GNA14: variants seen among roughly 807,000 people sequenced by gnomAD.
The protein encoded by GNA14 is G protein subunit alpha 14.
GNA14 carries 50 observed loss-of-function variants against 42.0 expected under a neutral mutation model. The observed-to-expected ratio is 1.19, with a 90% confidence interval of 0.95 to 1.51. The LOEUF (loss-of-function observed/expected upper bound fraction) is 1.51, where lower values mean the gene tolerates loss of function less well. Ranked by LOEUF, GNA14 falls within the 40% of genes most tolerant of loss-of-function variation. GNA14 has a pLI of 0.00. For synonymous variants in GNA14, 173 were observed against 163.1 expected (o/e 1.06, Z -0.46); for missense variants, 473 against 446.2 (o/e 1.06, Z -0.54).
chr9:77,425,747 TAGAA>T, intron 5 of GNA14, 32 bp from the exon 6 acceptor site: 1 of 1,526,114 alleles, frequency 6.6e-7, no homozygotes, highest in Non-Finnish European at 8.9e-7. Flanking sequence ...TGGGATGAAG[TAGAA>T]AGGAAATATT....
chr9:77,452,360 T>C (rs56852610), intron 2 of GNA14, among the ~76,000 whole-genome samples: 1,843 of 152,274 alleles, frequency 0.012, 43 homozygotes, highest in African/African-American at 0.042. Context: ...TATCTATGGA[T>C]GATTTTCCTG....
In GNA14 at chr9:77,647,718, G is replaced by C; in HGVS notation, c.76C>G (p.Arg26Gly). ...CGGCGCGCGTCCTTCTTGTCCCGAC[G>C]AAGCTGTCGCTCGATCTCCGCGCTG... is the stretch of plus-strand genomic sequence containing the variant. ...RISAEIERQL[R>G]RDKKDARREL... is the part of the protein sequence containing the mutation. Residue 26 changes from arginine to glycine, a missense_variant, in exon 1 of 7, where the codon CGT (arginine) becomes GGT (glycine). Arg to Gly is a moderately radical substitution (Grantham distance 125). Coordinates refer to ENST00000341700, the MANE Select transcript of GNA14 (RefSeq NM_004297.4). 6.2e-7 allele frequency: 1 copy of C among 1,610,288 alleles called. No homozygotes were observed. Among genetic ancestry groups the C allele is most frequent in the Middle Eastern group, 1.7e-4 (1 of 6,060 alleles).
intron 1 of GNA14, among the ~76,000 whole-genome samples, chr9:77,565,038 T>C (rs1212223506): frequency 6.6e-6 from 1 of 152,220 alleles, no homozygotes; most frequent in Non-Finnish European, 1.5e-5. Context: ...CTACTGTGCA[T>C]ATTGTTCTGC....
At position 77,431,460 on chromosome 9, in the gene GNA14, G is replaced by C; in HGVS notation, c.465-11C>G. The C allele has an allele frequency of 6.3e-7, 1 of 1,596,538 alleles. No homozygotes were observed. Among genetic ancestry groups the C allele is most frequent in the Non-Finnish European group, 8.6e-7 (1 of 1,167,228 alleles). On this transcript the variant is annotated splice_polypyrimidine_tract_variant and intron_variant, in intron 3 of 6. Transcript: ENST00000341700. ...ATGTCAGTCAGGTAACTGTATATTA[G>C]AGAACGAGGAACTGACTCTCCTTTT... is the stretch of plus-strand genomic sequence containing the variant.
Position 77,550,697 on chromosome 9 carries a change from C to G in GNA14, c.125-21444G>C, listed in dbSNP as rs150239309. On this transcript the variant is annotated intron_variant, in intron 1 of 6. Coordinates refer to ENST00000341700, the MANE Select transcript of GNA14 (RefSeq NM_004297.4). ...GCTGTTAAATCTCACTTTATCTATT[C>G]TATAATCCAACCATTGTTTACACAT... 3.3e-5 allele frequency among the ~76,000 whole-genome samples: 5 copies of G among 152,308 alleles called. No homozygotes were observed. In the East Asian group the frequency reaches 9.6e-4, roughly 29 times the overall value.
intron 2 of GNA14, among the ~76,000 whole-genome samples, chr9:77,463,399 A>G (rs1432506874): frequency 7.0e-6 from 1 of 143,842 alleles, no homozygotes; most frequent in East Asian, 1.9e-4. Context: ...TTAAAAAAAG[A>G]AAAAAACCAA....
chr9:77,620,614 C>T (rs527510355), intron 1 of GNA14, among the ~76,000 whole-genome samples: 151 of 152,130 alleles, frequency 9.9e-4, no homozygotes, highest in African/African-American at 3.3e-3. Context: ...CTTGGGAGGT[C>T]GAGGCAGGTG....
At chr9:77,474,866 A>G (rs1836391748) in intron 2 of GNA14, among the ~76,000 whole-genome samples, 1 of 152,106 alleles carries the variant, frequency 6.6e-6, no homozygotes, top group South Asian at 2.1e-4. Flanking sequence ...AGCCTTAAGA[A>G]CATTATGCTA....
At chr9:77,524,064 G>T (rs1837399169) in intron 2 of GNA14, among the ~76,000 whole-genome samples, 1 of 152,126 alleles carries the variant, frequency 6.6e-6, no homozygotes, top group East Asian at 1.9e-4. Flanking sequence ...AAATGCCTTT[G>T]TAATATTTAT....
intron 2 of GNA14, among the ~76,000 whole-genome samples, chr9:77,513,613 A>C (rs1837204330): frequency 6.6e-6 from 1 of 152,176 alleles, no homozygotes; most frequent in Admixed American, 6.5e-5. Context: ...TTCCGTGAGG[A>C]GGCACAGCAA....
chr9:77,429,690 T>C (rs1281359906), intron 4 of GNA14, among the ~76,000 whole-genome samples: 2 of 152,108 alleles, frequency 1.3e-5, no homozygotes, highest in African/African-American at 4.8e-5. Context: ...GTACAAAACA[T>C]ACATGGCACA....
intron 3 of GNA14, among the ~76,000 whole-genome samples, chr9:77,433,140 C>T (rs951015717): frequency 2.0e-5 from 3 of 152,128 alleles, no homozygotes; most frequent in African/African-American, 7.2e-5. Context: ...TTCTTTCCTG[C>T]CCAATGCCTT....
chr9:77,484,107 AAAG>A (rs777609798), intron 2 of GNA14, among the ~76,000 whole-genome samples: 7 of 152,216 alleles, frequency 4.6e-5, no homozygotes, highest in African/African-American at 1.4e-4. Context: ...ACAGAATCAG[AAAG>A]AAGAAGAAAT....
At chr9:77,605,707 A>G (rs1823636068) in intron 1 of GNA14, among the ~76,000 whole-genome samples, 1 of 152,246 alleles carries the variant, frequency 6.6e-6, no homozygotes, top group Non-Finnish European at 1.5e-5. Context: ...CTATCCAACT[A>G]GAAAGGAGAC....
At chr9:77,482,616 G>A (rs1340706993) in intron 2 of GNA14, among the ~76,000 whole-genome samples, 2 of 151,914 alleles carry the variant, frequency 1.3e-5, no homozygotes, top group African/African-American at 4.8e-5. Context: ...TGCTAGATTG[G>A]GGAAGTTCTC....
At chr9:77,609,858 C>T (rs1249106987) in intron 1 of GNA14, among the ~76,000 whole-genome samples, 2 of 152,242 alleles carry the variant, frequency 1.3e-5, no homozygotes, top group Admixed American at 6.5e-5. Context: ...CCCGCCACCA[C>T]CTCTTTCCTT....
intron 2 of GNA14, among the ~76,000 whole-genome samples, chr9:77,527,150 A>G (rs1447658563): frequency 6.6e-6 from 1 of 152,218 alleles, no homozygotes; most frequent in Admixed American, 6.5e-5. Context: ...CAGGGGAAAA[A>G]CAGATGAACT....
chr9:77,530,263 C>G (rs1837508138), intron 1 of GNA14, among the ~76,000 whole-genome samples: 1 of 152,268 alleles, frequency 6.6e-6, no homozygotes, highest in East Asian at 1.9e-4. Flanking sequence ...CATGAGAGTT[C>G]TTGCAAGATC....
intron 1 of GNA14, among the ~76,000 whole-genome samples, chr9:77,563,157 C>T (rs1273282192): frequency 6.6e-6 from 1 of 152,152 alleles, no homozygotes; most frequent in Admixed American, 6.6e-5. Context: ...AACCCAGGAG[C>T]TAAAACCAAA....
Sources: gnomAD v4.1 joint callset for allele counts (sites outside exome capture counted in the v4.1 genomes callset) on GRCh38, gnomAD v4.1.1 for gene constraint, MANE v1.5 for transcripts, NCBI Gene and HGNC (gene_info 2026-07-23, HGNC 2026-07-21) for gene names.